NEGR1: variants seen among roughly 807,000 people sequenced by gnomAD.
The protein encoded by NEGR1 is neuronal growth regulator 1, also known as IgLON family member 4.
A neutral mutation model predicts 40.9 loss-of-function variants in NEGR1; 10 were observed. That is an observed-to-expected ratio of 0.24 (90% CI 0.15 to 0.42). The LOEUF (loss-of-function observed/expected upper bound fraction) is 0.42, where lower values mean the gene tolerates loss of function less well. Among genes scored for constraint, NEGR1 ranks in the 10% least tolerant of loss-of-function variants. NEGR1 has a pLI of 1.00. For synonymous variants in NEGR1, 185 were observed against 166.8 expected, an observed-to-expected ratio of 1.11 and a Z score of -0.84; for missense variants, 352 against 438.9, an observed-to-expected ratio of 0.80 and a Z score of 1.77.
intron 1 of NEGR1, among the ~76,000 whole-genome samples, chr1:72,215,621 C>A (rs1032746204): frequency 2.6e-5 from 4 of 152,156 alleles, no homozygotes; most frequent in African/African-American, 9.6e-5. Context: ...CTCATCATCA[C>A]TGGTCATTTG....
chr1:71,407,702 T>A, intron 6 of NEGR1, 132 bp from the exon 7 acceptor site: 1 of 766,672 alleles, frequency 1.3e-6, no homozygotes, highest in Non-Finnish European at 2.1e-6. Flanking sequence ...AGTTCATATC[T>A]GATTCTGCTA....
At position 71,746,967 on chromosome 1, in the gene NEGR1, G is replaced by C. The variant is rs1476286441; in HGVS notation, c.535+29205C>G. Among the ~76,000 whole-genome samples, 12 of 152,036 alleles carry C rather than the reference G, an allele frequency of 7.9e-5. 1 individual carries two copies. Among genetic ancestry groups the C allele is most frequent in the South Asian group, 4.1e-4 (2 of 4,824 alleles). ...TGTAAAAAGCTTATCTGATTCTAAG[G>C]GTCACTGAAGTTTTCAGTCCTCTTC... is the stretch of plus-strand genomic sequence containing the variant. On this transcript the variant is annotated intron_variant, in intron 3 of 6. Transcript: ENST00000357731.
chr1:72,048,147 C>T (rs1055895932), intron 1 of NEGR1, among the ~76,000 whole-genome samples: 5 of 151,534 alleles, frequency 3.3e-5, no homozygotes, highest in Non-Finnish European at 7.4e-5. Flanking sequence ...TATGCATCCC[C>T]GAAGACTCTA....
intron 4 of NEGR1, among the ~76,000 whole-genome samples, chr1:71,666,939 C>T (rs958475785): frequency 2.0e-5 from 3 of 152,080 alleles, no homozygotes; most frequent in African/African-American, 7.2e-5. Context: ...AACCAATTTC[C>T]AGTTTTCTGC....
intron 1 of NEGR1, among the ~76,000 whole-genome samples, chr1:72,196,410 T>C (rs1301470277): frequency 2.6e-5 from 4 of 152,138 alleles, no homozygotes; most frequent in African/African-American, 9.7e-5. Context: ...TAACTCATGC[T>C]AAAACGCTTA....
At chr1:71,977,490 T>G (rs899286253) in intron 1 of NEGR1, among the ~76,000 whole-genome samples, 2 of 152,134 alleles carry the variant, frequency 1.3e-5, no homozygotes, top group Admixed American at 6.6e-5. Context: ...ATCTTAAAAA[T>G]GGTCAACGAG....
chr1:71,512,774 G>T (rs1200290332), intron 6 of NEGR1, among the ~76,000 whole-genome samples: 1 of 151,642 alleles, frequency 6.6e-6, no homozygotes, highest in African/African-American at 2.4e-5. Context: ...TAGAGACAGG[G>T]TTCCACTCTC....
At chr1:71,667,266 T>C (rs763515811) in intron 4 of NEGR1, among the ~76,000 whole-genome samples, 4 of 152,220 alleles carry the variant, frequency 2.6e-5, no homozygotes, top group African/African-American at 4.8e-5. Flanking sequence ...AAATTCTGAA[T>C]GTTTTTAGTA....
intron 1 of NEGR1, among the ~76,000 whole-genome samples, chr1:72,071,161 G>T (rs1340262340): frequency 6.6e-6 from 1 of 151,920 alleles, no homozygotes; most frequent in Non-Finnish European, 1.5e-5. Context: ...AAATGGAACT[G>T]CTAGAAAAGT....
At chr1:72,111,468 T>A (rs1649368237) in intron 1 of NEGR1, among the ~76,000 whole-genome samples, 1 of 151,776 alleles carries the variant, frequency 6.6e-6, no homozygotes, top group African/African-American at 2.4e-5. Context: ...GATTCATTAA[T>A]ACAATTATAC....
At chr1:71,590,405 T>C (rs906633269) in intron 6 of NEGR1, among the ~76,000 whole-genome samples, 2 of 152,068 alleles carry the variant, frequency 1.3e-5, no homozygotes, top group African/African-American at 4.8e-5. Flanking sequence ...ACTGACCTTA[T>C]TGCATTATCG....
intron 1 of NEGR1, among the ~76,000 whole-genome samples, chr1:72,140,772 A>G (rs1042698352): frequency 2.6e-5 from 4 of 152,144 alleles, no homozygotes; most frequent in Non-Finnish European, 5.9e-5. Context: ...TGTAATTTTT[A>G]GACATTAATA....
At chr1:71,742,059 A>G (rs1655229458) in intron 3 of NEGR1, among the ~76,000 whole-genome samples, 1 of 152,164 alleles carries the variant, frequency 6.6e-6, no homozygotes, top group Non-Finnish European at 1.5e-5. Context: ...AAACTATATC[A>G]AGAAGTAATT....
chr1:71,851,268 A>C (rs1570431066), intron 2 of NEGR1, among the ~76,000 whole-genome samples: 1 of 152,078 alleles, frequency 6.6e-6, no homozygotes, highest in African/African-American at 2.4e-5. Context: ...TTATTTCCTA[A>C]CCAGATGATT....
chr1:71,699,271 C>A (rs182621112), intron 3 of NEGR1, among the ~76,000 whole-genome samples: 14 of 151,948 alleles, frequency 9.2e-5, no homozygotes, highest in Non-Finnish European at 1.5e-5. Context: ...AAGTCCATCC[C>A]AATAATTTTC....
At chr1:72,223,056 G>A (rs1411662617) in intron 1 of NEGR1, among the ~76,000 whole-genome samples, 2 of 152,078 alleles carry the variant, frequency 1.3e-5, no homozygotes, top group Non-Finnish European at 2.9e-5. Context: ...ATTATTAATT[G>A]TATTTCATTT....
intron 2 of NEGR1, among the ~76,000 whole-genome samples, chr1:71,857,825 T>G (rs1015624844): frequency 6.6e-6 from 1 of 151,998 alleles, no homozygotes; most frequent in Non-Finnish European, 1.5e-5. Context: ...GTCTCAAATA[T>G]TGTATAAATT....
intron 4 of NEGR1, among the ~76,000 whole-genome samples, chr1:71,677,342 C>T (rs764328073): frequency 2.6e-5 from 4 of 152,078 alleles, no homozygotes; most frequent in Non-Finnish European, 5.9e-5. Flanking sequence ...TAATGATTAA[C>T]AATCAATTAC....
chr1:71,935,046 C>G (rs1361352211), intron 2 of NEGR1, 33 bp downstream of exon 2: 1 of 1,262,362 alleles, frequency 7.9e-7, no homozygotes, highest in Non-Finnish European at 1.2e-6. Flanking sequence ...TAAGCACAGT[C>G]TTTCACAATA....
Sources: gnomAD v4.1 joint callset for allele counts (sites outside exome capture counted in the v4.1 genomes callset) on GRCh38, gnomAD v4.1.1 for gene constraint, MANE v1.5 for transcripts, NCBI Gene and HGNC (gene_info 2026-07-23, HGNC 2026-07-21) for gene names.